Variants in NKIRAS1 observed in about 807,000 individuals in gnomAD.
NKIRAS1 encodes the protein NF-kappa-B inhibitor-interacting Ras-like protein 1.
Under a neutral mutation model 19.8 loss-of-function variants are expected in NKIRAS1, and 16 were observed. The ratio of observed to expected loss-of-function variants is 0.81; its 90% CI spans 0.55 to 1.23. The LOEUF is 1.23. NKIRAS1 is among the 50% of genes most tolerant of loss of function. NKIRAS1 has a pLI of 0.00. For missense variants in NKIRAS1, 184 were observed against 220.0 expected, an observed-to-expected ratio of 0.84 and a Z score of 1.04; for synonymous variants, 88 against 79.0, an observed-to-expected ratio of 1.11 and a Z score of -0.61.
At chr3:23,929,084 A>G (rs1705262724) in intron 1 of NKIRAS1, among the ~76,000 whole-genome samples, 1 of 151,050 alleles carries the variant, frequency 6.6e-6, no homozygotes, top group African/African-American at 2.4e-5. Context: ...GTTTTGTGCC[A>G]GGCGTGGTGG....
At chr3:23,899,204 A>T (rs1349575178) in intron 4 of NKIRAS1, among the ~76,000 whole-genome samples, 1 of 152,172 alleles carries the variant, frequency 6.6e-6, no homozygotes, top group Non-Finnish European at 1.5e-5. Flanking sequence ...GGCAGCTATA[A>T]AAGAGTAACA....
At chr3:23,920,177 TACCTTTCAAG>T (rs569286254), upstream of NKIRAS1, 148 of 985,808 alleles carry the variant, frequency 1.5e-4, 1 homozygote, top group East Asian at 0.014. Context: ...ATTAGATAAA[TACCTTTCAAG>T]TGTGAGCTTA....
At chr3:23,916,675 C>A (rs1704519435) in intron 1 of NKIRAS1, 109 bp downstream of exon 1, 2 of 152,634 alleles carry the variant, frequency 1.3e-5, no homozygotes, top group Non-Finnish European at 1.5e-5. Flanking sequence ...AGCTCTGGGG[C>A]CCAGATTTCT....
chr3:23,919,564 A>G (rs541060333), upstream of NKIRAS1: 32 of 1,442,828 alleles, frequency 2.2e-5, no homozygotes, highest in Admixed American at 2.8e-5. Context: ...GTCTGCTTAC[A>G]GGTGTTATTT....
At chr3:23,918,946 C>T, upstream of NKIRAS1, 1 of 548,420 alleles carries the variant, frequency 1.8e-6, no homozygotes, top group Non-Finnish European at 3.2e-6. Context: ...CAGATATTAA[C>T]ATATTCCTGC....
At chr3:23,914,058 C>T (rs1486681975) in intron 1 of NKIRAS1, among the ~76,000 whole-genome samples, 2 of 152,022 alleles carry the variant, frequency 1.3e-5, no homozygotes, top group Non-Finnish European at 2.9e-5. Context: ...ACTAAGAGAA[C>T]GTGCTTAATA....
chr3:23,912,554 A>T (rs1703867193), intron 1 of NKIRAS1, among the ~76,000 whole-genome samples: 1 of 152,194 alleles, frequency 6.6e-6, no homozygotes, highest in African/African-American at 2.4e-5. Context: ...GGTGCTGGAG[A>T]GGATGTGGAG....
At chr3:23,897,585 C>A (rs184597615) in intron 4 of NKIRAS1, among the ~76,000 whole-genome samples, 1 of 152,338 alleles carries the variant, frequency 6.6e-6, no homozygotes, top group African/African-American at 2.4e-5. Context: ...CTAGCCCACT[C>A]TGGCTTCACT....
chr3:23,943,932 A>G (rs1055933519), intron 1 of NKIRAS1, among the ~76,000 whole-genome samples: 5 of 151,986 alleles, frequency 3.3e-5, no homozygotes, highest in African/African-American at 1.2e-4. Flanking sequence ...GAGGGTTTTC[A>G]GCAGAGTAAT....
chr3:23,919,046 T>A (rs1398277201), upstream of NKIRAS1: 2 of 625,486 alleles, frequency 3.2e-6, no homozygotes, highest in African/African-American at 3.7e-5. Context: ...ATTACACTTG[T>A]GATAGTCTAG....
intron 1 of NKIRAS1, chr3:23,945,645 G>A: frequency 5.0e-6 from 5 of 1,006,154 alleles, no homozygotes; most frequent in Non-Finnish European, 6.1e-6. Context: ...AGCGCTCAGA[G>A]CCCGCGGGGC....
chr3:23,890,390 C>T lies in NKIRAS1; in HGVS notation c.*2705G>A, dbSNP rs754690877. On this transcript the variant is annotated 3_prime_UTR_variant, in exon 5 of 5. Coordinates refer to ENST00000425478, the MANE Select transcript of NKIRAS1 (RefSeq NM_020345.4). ...TATCCAGCATGGTGGAGTGGTGTTT[C>T]GAAGATGGGTTTGATCACACATACT... 10 of 842,308 alleles carry T rather than the reference C, an allele frequency of 1.2e-5. No homozygotes were observed. The Middle Eastern group carries it at 7.0e-4, about 59-fold the overall frequency. The allele number at this position is 842,308 out of a possible 1,614,324, so 52.2% of individuals were successfully genotyped here.
rs1703509303 is a variant in NKIRAS1 at position 23,909,960 on chromosome 3, G to A, written c.94+851C>T. On this transcript the variant is annotated intron_variant, in intron 3 of 4. Transcript: ENST00000425478. Reference sequence around the variant, plus strand: ...TGCAACCTCTGCCTGTCACATTCAAGCGATTCTCCTACCTCAACCTCCTGA... The same window carrying A: ...TGCAACCTCTGCCTGTCACATTCAAACGATTCTCCTACCTCAACCTCCTGA... Among the ~76,000 whole-genome samples the A allele has an allele frequency of 2.7e-5, 4 of 147,110 alleles. No homozygotes were observed. In the Admixed American group the frequency reaches 2.8e-4, roughly 10 times the overall value.
In NKIRAS1 at chr3:23,910,868, A is replaced by G; in HGVS notation, c.37T>C (p.Leu13=). 6.2e-7 allele frequency: 1 copy of G among 1,614,164 alleles called. No individual in the cohort carries two copies. The highest frequency in any genetic ancestry group is 8.5e-7 in the Non-Finnish European group (1 of 1,180,020). The change falls in exon 3 of 5, where the codon TTA becomes CTA. Residue 13 remains leucine (L), a synonymous_variant. Coordinates refer to ENST00000425478, the MANE Select transcript of NKIRAS1 (RefSeq NM_020345.4). ...AAAATTGCAGTTTTCCCCACAGATA[A>G]CAATCCACAAACCACAACCTTGCAG... ...KGCKVVVCGL[L]SVGKTAILEQ...
chr3:23,930,470 A>T (rs1051517482), intron 1 of NKIRAS1, among the ~76,000 whole-genome samples: 3 of 151,088 alleles, frequency 2.0e-5, no homozygotes, highest in African/African-American at 7.3e-5. Flanking sequence ...AGCCGCCAAA[A>T]AAAAGGACAA....
chr3:23,932,947 G>A (rs540179011), intron 1 of NKIRAS1, among the ~76,000 whole-genome samples: 1 of 152,264 alleles, frequency 6.6e-6, no homozygotes, highest in South Asian at 2.1e-4. Flanking sequence ...CTGGAAATCT[G>A]TGACTATGTT....
chr3:23,940,566 G>A (rs1705474862), intron 1 of NKIRAS1, among the ~76,000 whole-genome samples: 1 of 152,102 alleles, frequency 6.6e-6, no homozygotes, highest in Non-Finnish European at 1.5e-5. Flanking sequence ...GTTTGAATTA[G>A]TGTTTTCTAT....
At chr3:23,918,461 G>A (rs1704832786), upstream of NKIRAS1, 3 of 1,612,796 alleles carry the variant, frequency 1.9e-6, no homozygotes, top group Non-Finnish European at 2.5e-6. Flanking sequence ...TATAGGATTC[G>A]TGTTCGCCGT....
chr3:23,901,179 C>A, intron 3 of NKIRAS1, 130 bp from the exon 4 acceptor site: 11 of 728,926 alleles, frequency 1.5e-5, no homozygotes, highest in Non-Finnish European at 1.9e-5. Context: ...TTCTATTTTA[C>A]TTTTTTTTTT....
Sources: gnomAD v4.1 joint callset for allele counts (sites outside exome capture counted in the v4.1 genomes callset) on GRCh38, gnomAD v4.1.1 for gene constraint, MANE v1.5 for transcripts, NCBI Gene and HGNC (gene_info 2026-07-23, HGNC 2026-07-21) for gene names.